Variants in MPRIP observed in about 807,000 individuals in gnomAD.
MPRIP encodes the protein myosin phosphatase Rho interacting protein.
MPRIP carries 59 observed loss-of-function variants against 234.9 expected under a neutral mutation model. The observed-to-expected ratio is 0.25, with a 90% confidence interval of 0.20 to 0.31. The LOEUF (loss-of-function observed/expected upper bound fraction) is 0.31. Among genes scored for constraint, MPRIP ranks in the 10% least tolerant of loss-of-function variants. MPRIP has a pLI of 1.00. For missense variants in MPRIP, 2,436 were observed against 3,071.0 expected (o/e 0.79, Z 4.89); for synonymous variants, 1,144 against 1,263.9 (o/e 0.91, Z 2.01).
chr17:17,104,090 T>C (rs796424901), intron 3 of MPRIP, among the ~76,000 whole-genome samples: 4 of 152,354 alleles, frequency 2.6e-5, no homozygotes, highest in African/African-American at 9.6e-5. Context: ...CAGATATTCA[T>C]GTGACACAGA....
intron 3 of MPRIP, among the ~76,000 whole-genome samples, chr17:17,088,440 TAA>T (rs2089641542): frequency 6.6e-6 from 1 of 152,212 alleles, no homozygotes; most frequent in Non-Finnish European, 1.5e-5. Flanking sequence ...GGAAACTAAT[TAA>T]GTAAGAGCGG....
chr17:17,172,471 C>T (rs150583646), intron 17 of MPRIP, among the ~76,000 whole-genome samples: 3 of 152,196 alleles, frequency 2.0e-5, no homozygotes, highest in African/African-American at 4.8e-5. Context: ...AAAAGCCAAA[C>T]GTGCATTCCT....
chr17:17,112,918 C>T (rs2090202248), intron 3 of MPRIP, among the ~76,000 whole-genome samples: 2 of 152,258 alleles, frequency 1.3e-5, no homozygotes, highest in Admixed American at 6.5e-5. Flanking sequence ...TGTCCTTTCT[C>T]CCTGGCCACA....
At chr17:17,103,517 T>C (rs531084953) in intron 3 of MPRIP, among the ~76,000 whole-genome samples, 53 of 152,310 alleles carry the variant, frequency 3.5e-4, no homozygotes, top group African/African-American at 1.2e-3. Flanking sequence ...TGGAAAGAGC[T>C]GAAGTTCATG....
intron 3 of MPRIP, among the ~76,000 whole-genome samples, chr17:17,098,768 A>G (rs995633021): frequency 6.6e-6 from 1 of 152,176 alleles, no homozygotes; most frequent in African/African-American, 2.4e-5. Flanking sequence ...GTCTGTGGGA[A>G]GCCTCCAACC....
chr17:17,120,371 GTA>G (rs2090365948), intron 3 of MPRIP, among the ~76,000 whole-genome samples: 1 of 152,154 alleles, frequency 6.6e-6, no homozygotes, highest in South Asian at 2.1e-4. Flanking sequence ...TGCTATAGCA[GTA>G]TTATCCTAAC....
rs2089381965 is a variant in MPRIP, at chr17:17,078,254, G to T, written c.267+178G>T. On this transcript the variant is annotated intron_variant, in intron 3 of 23. Coordinates refer to ENST00000651222, the MANE Select transcript of MPRIP (RefSeq NM_001364716.4). The surrounding 1 kb of genome is among the most constrained non-coding windows in gnomAD (Gnocchi z 4.3). Reference sequence around the variant, plus strand: ...TGCTGGAGACAGCTTTAAAAACCCAGACCTTTGGTTTGAAACATCATCTTC... The same window carrying T: ...TGCTGGAGACAGCTTTAAAAACCCATACCTTTGGTTTGAAACATCATCTTC... 6.6e-6 allele frequency among the ~76,000 whole-genome samples: 1 copy of T among 152,168 alleles called. No individual in the cohort carries two copies. Among genetic ancestry groups the T allele is most frequent in the Non-Finnish European group, 1.5e-5 (1 of 68,036 alleles).
intron 1 of MPRIP, among the ~76,000 whole-genome samples, chr17:17,047,840 T>A (rs866376969): frequency 6.6e-6 from 1 of 152,052 alleles, no homozygotes; most frequent in African/African-American, 2.4e-5. Context: ...GTGGAGGTGG[T>A]TGCTGAAATC....
chr17:17,150,697 C>CAAAA (rs35336436), intron 12 of MPRIP, among the ~76,000 whole-genome samples: 1 of 73,450 alleles, frequency 1.4e-5, no homozygotes. Context: ...GCACTGTTCT[C>CAAAA]AAAAAAAAAA....
At chr17:17,184,156 T>C (rs1356597077) in intron 23 of MPRIP, among the ~76,000 whole-genome samples, 1 of 152,252 alleles carries the variant, frequency 6.6e-6, no homozygotes, top group Non-Finnish European at 1.5e-5. Flanking sequence ...TAGTAAGATC[T>C]CATTCATCTC....
chr17:17,081,175 AC>A (rs1243836832), intron 3 of MPRIP, among the ~76,000 whole-genome samples: 15 of 152,170 alleles, frequency 9.9e-5, no homozygotes, highest in Non-Finnish European at 1.9e-4. Flanking sequence ...TCGAATTGTT[AC>A]TGACTTATAT....
Position 17,177,307 on chromosome 17 carries a change from A to C in MPRIP, c.7015A>C (p.Lys2339Gln). Residue 2339 changes from lysine (K) to glutamine (Q), a missense_variant, in exon 22 of 24, where the codon AAG becomes CAG. Around this residue, in one of 4 missense-constraint regions of MPRIP, gnomAD observed 1,998 missense variants for 2,520.3 expected, o/e 0.79. Coordinates refer to ENST00000651222, the MANE Select transcript of MPRIP (RefSeq NM_001364716.4). Reference protein sequence around the residue: ...KDIYTELSIAKAKADCDISRL... With the variant: ...KDIYTELSIAQAKADCDISRL... The stretch of plus-strand genomic sequence containing the variant: ...CATCTACACAGAGCTCAGCATCGCG[A>C]AGGCTAAGGCTGACTGTGACATCAG... 1 of 1,614,060 alleles carries C rather than the reference A, an allele frequency of 6.2e-7. No individual in the cohort carries two copies. Among genetic ancestry groups the C allele is most frequent in the Non-Finnish European group, 8.5e-7 (1 of 1,180,026 alleles).
intron 3 of MPRIP, among the ~76,000 whole-genome samples, chr17:17,093,266 T>C (rs549432166): frequency 6.6e-6 from 1 of 152,364 alleles, no homozygotes; most frequent in Non-Finnish European, 1.5e-5. Flanking sequence ...AGTCCCTGCA[T>C]GAACTCTCCT....
At position 17,138,479 on chromosome 17, in the gene MPRIP, T is replaced by TCCACCCACGCACATACACTC. The variant is rs2090751196; in HGVS notation, c.1250+51_1250+70dup. On this transcript the variant is annotated intron_variant, in intron 7 of 23. Coordinates refer to ENST00000651222, the MANE Select transcript of MPRIP (RefSeq NM_001364716.4). The surrounding 1 kb of genome is among the most constrained non-coding windows in gnomAD (Gnocchi z 5.8). ...ACACCCAGGCCCACACACATGCACT[T>TCCACCCACGCACATACACTC]CCACCCACGCACATACACTCATACT... 1 of 179,872 alleles carries TCCACCCACGCACATACACTC rather than the reference T, an allele frequency of 5.6e-6. No homozygotes were observed. The highest frequency in any genetic ancestry group is 2.4e-5 in the African/African-American group (1 of 42,290). The allele number at this position is 179,872 out of a possible 1,614,324, so 11.1% of individuals were successfully genotyped here. A position where few individuals can be genotyped will look rare whatever the true frequency, so the allele number is the denominator to read the frequency against.
intron 11 of MPRIP, among the ~76,000 whole-genome samples, chr17:17,149,492 C>CAA (rs1168858732): frequency 5.9e-5 from 7 of 118,832 alleles, no homozygotes; most frequent in African/African-American, 6.2e-5. Flanking sequence ...GACCCCATCT[C>CAA]AAAAAAAAAA....
chr17:17,192,433 G>A lies in MPRIP; in HGVS notation c.*7539G>A, dbSNP rs945398587. On this transcript the variant is annotated 3_prime_UTR_variant, in exon 24 of 24. Transcript: ENST00000651222. Reference sequence around the variant, plus strand: ...TGAGCTGCTGCTTTTTTTTTGGGGGGGGGGGGGGGAGGGGCGTCTTGAGGC... The same window carrying A: ...TGAGCTGCTGCTTTTTTTTTGGGGGAGGGGGGGGGAGGGGCGTCTTGAGGC... 1 of 118,310 alleles carries A rather than the reference G, an allele frequency of 8.5e-6. No homozygotes were observed. The highest frequency in any genetic ancestry group is 1.8e-5 in the Non-Finnish European group (1 of 56,784). 7.3% of individuals were successfully genotyped at this position (118,310 alleles called of 1,614,324 possible).
At chr17:17,044,056 A>G (rs1229061056) in intron 1 of MPRIP, among the ~76,000 whole-genome samples, 3 of 152,196 alleles carry the variant, frequency 2.0e-5, no homozygotes, top group Non-Finnish European at 2.9e-5. Context: ...ACTTGTTTAC[A>G]TGGCCGACTG....
chr17:17,058,964 G>A (rs1233666101), intron 1 of MPRIP, among the ~76,000 whole-genome samples: 1 of 152,096 alleles, frequency 6.6e-6, no homozygotes. Flanking sequence ...AAACTTTTTG[G>A]GTTCCAGACC....
Position 17,165,028 on chromosome 17 carries a change from A to C in MPRIP, c.3437A>C (p.Glu1146Ala). ...AGAGAGGCTGACAACCAGAGCCTGG[A>C]GCACTCCTACCAGAGGGTCTCCAGC... is the stretch of plus-strand genomic sequence containing the variant. ...RRREADNQSL[E>A]HSYQRVSSQL... The change falls in exon 16 of 24, where the codon GAG becomes GCG. Residue 1146 changes from glutamate to alanine, a missense_variant. Glu to Ala is a moderately radical substitution (Grantham distance 107). Coordinates refer to ENST00000651222, the MANE Select transcript of MPRIP (RefSeq NM_001364716.4). 7.7e-7 allele frequency: 1 copy of C among 1,301,804 alleles called. No homozygotes were observed. The highest frequency in any genetic ancestry group is 1.0e-6 in the Non-Finnish European group (1 of 988,878). The allele number at this position is 1,301,804 out of a possible 1,614,324, so 80.6% of individuals were successfully genotyped here. A position where few individuals can be genotyped will look rare whatever the true frequency, so the allele number is the denominator to read the frequency against.
Sources: allele counts gnomAD v4.1 joint callset (sites outside exome capture counted in the v4.1 genomes callset), GRCh38; gene constraint gnomAD v4.1.1; regional missense constraint gnomAD v4.1.1; non-coding constraint Gnocchi (gnomAD v3.1); transcripts MANE v1.5; gene names NCBI Gene and HGNC (gene_info 2026-07-23, HGNC 2026-07-21).